Variants in PDCL2 observed in about 807,000 individuals in gnomAD.
PDCL2 encodes the protein phosducin-like protein 2.
A neutral mutation model predicts 30.3 loss-of-function variants in PDCL2; 23 were observed. The observed-to-expected ratio is 0.76, with a 90% CI of 0.55 to 1.08. The LOEUF is 1.08. Ranked by LOEUF, PDCL2 falls within the 50% of genes least tolerant of loss-of-function variation. The pLI, the probability that PDCL2 is intolerant of heterozygous loss-of-function variation, is 0.00. For synonymous variants in PDCL2, 68 were observed against 86.2 expected, an observed-to-expected ratio of 0.79 and a Z score of 1.17; for missense variants, 243 against 282.3, an observed-to-expected ratio of 0.86 and a Z score of 1.00.
chr4:55,578,014 T>C (rs1560503401), intron 3 of PDCL2, among the ~76,000 whole-genome samples: 1 of 152,228 alleles, frequency 6.6e-6, no homozygotes, highest in South Asian at 2.1e-4. Context: ...TTGTAGGCTG[T>C]CTTTGTGCTG....
chr4:55,591,415 A>G (rs993630560), intron 1 of PDCL2, among the ~76,000 whole-genome samples: 3 of 150,386 alleles, frequency 2.0e-5, no homozygotes, highest in African/African-American at 7.3e-5. Context: ...TCTGAGGCGC[A>G]GTCTCACTCT....
Position 55,592,222 on chromosome 4 carries a change from G to A in PDCL2, c.-113C>T. 4 of 1,477,782 alleles carry A rather than the reference G, an allele frequency of 2.7e-6. No individual in the cohort carries two copies. Among genetic ancestry groups the A allele is most frequent in the Admixed American group, 4.0e-5 (2 of 49,716 alleles). 91.5% of individuals were successfully genotyped at this position (1,477,782 alleles called of 1,614,324 possible). A position where few individuals can be genotyped will look rare whatever the true frequency, so the allele number is the denominator to read the frequency against. On this transcript the variant is annotated 5_prime_UTR_variant, in exon 1 of 6. Coordinates refer to ENST00000295645, the MANE Select transcript of PDCL2 (RefSeq NM_152401.3). Reference sequence around the variant, plus strand: ...GAAGAGCGCCCGCTTCAGGCCCGGCGGTTTCGAGTGACCGCCAGAAGAGGG... The same window carrying A: ...GAAGAGCGCCCGCTTCAGGCCCGGCAGTTTCGAGTGACCGCCAGAAGAGGG...
chr4:55,582,509 T>C (rs1732749600), intron 1 of PDCL2, among the ~76,000 whole-genome samples: 1 of 152,256 alleles, frequency 6.6e-6, no homozygotes, highest in African/African-American at 2.4e-5. Flanking sequence ...GAAAATTTGC[T>C]GAAGACTGTA....
At chr4:55,579,556 AT>A (rs1180971518) in intron 3 of PDCL2, among the ~76,000 whole-genome samples, 3 of 152,110 alleles carry the variant, frequency 2.0e-5, no homozygotes, top group African/African-American at 7.2e-5. Flanking sequence ...ACCTCAGGTG[AT>A]CCACCCGCCT....
At chr4:55,572,404 G>T (rs1391440908) in intron 3 of PDCL2, among the ~76,000 whole-genome samples, 1 of 152,208 alleles carries the variant, frequency 6.6e-6, no homozygotes, top group Non-Finnish European at 1.5e-5. Context: ...AGAAACTAGG[G>T]AATCTGGAAC....
chr4:55,591,173 G>C, intron 1 of PDCL2, among the ~76,000 whole-genome samples: 1 of 151,920 alleles, frequency 6.6e-6, no homozygotes, highest in Middle Eastern at 3.2e-3. Context: ...AAATTATACA[G>C]TACATACAAA....
intron 3 of PDCL2, among the ~76,000 whole-genome samples, chr4:55,578,875 T>G (rs1732636944): frequency 6.6e-6 from 1 of 152,192 alleles, no homozygotes; most frequent in Non-Finnish European, 1.5e-5. Context: ...TGTTTAAACT[T>G]TCAACCAATC....
intron 4 of PDCL2, among the ~76,000 whole-genome samples, chr4:55,567,334 A>G (rs1732293190): frequency 6.6e-6 from 1 of 152,238 alleles, no homozygotes; most frequent in East Asian, 1.9e-4. Context: ...GGAGTTTGAG[A>G]CCGGTCTGGG....
At chr4:55,573,086 T>C (rs184624933) in intron 3 of PDCL2, among the ~76,000 whole-genome samples, 19 of 152,272 alleles carry the variant, frequency 1.2e-4, no homozygotes, top group African/African-American at 4.3e-4. Flanking sequence ...CCCCACTTAA[T>C]TCTGAATTCA....
At position 55,569,742 on chromosome 4, in the gene PDCL2, AC is replaced by A; in HGVS notation, c.337del (p.Val113LeufsTer2). The A allele has an allele frequency of 6.4e-7, 1 of 1,558,934 alleles. No homozygotes were observed. The highest frequency in any genetic ancestry group is 8.7e-7 in the Non-Finnish European group (1 of 1,150,706). On this transcript the variant is annotated frameshift_variant, in exon 4 of 6. Transcript: ENST00000295645. LOFTEE classifies it high-confidence loss of function. ...CCTTGATCTGTATAGATGAATTATA[AC>A]CCACACATCTTCTTCTGCATTTGTG... ...EVTNAEEDVW[V>X]IIHLYRSSIP...
chr4:55,589,719 G>C (rs1337069480), intron 1 of PDCL2, among the ~76,000 whole-genome samples: 1 of 152,098 alleles, frequency 6.6e-6, no homozygotes, highest in Non-Finnish European at 1.5e-5. Flanking sequence ...ATTAACAAGA[G>C]AAAAAGAGTT....
intron 1 of PDCL2, 144 bp from the exon 2 acceptor site, chr4:55,582,381 G>T: frequency 2.2e-6 from 2 of 926,596 alleles, no homozygotes; most frequent in Non-Finnish European, 1.5e-6. Flanking sequence ...AAAGCAAAGT[G>T]ACCTACTTTT....
intron 1 of PDCL2, among the ~76,000 whole-genome samples, chr4:55,584,493 G>A (rs531363387): frequency 2.0e-5 from 3 of 152,290 alleles, no homozygotes; most frequent in East Asian, 3.9e-4. Flanking sequence ...CTGGCTGCAA[G>A]TGATTCACCC....
At chr4:55,578,405 G>A (rs1732624096) in intron 3 of PDCL2, among the ~76,000 whole-genome samples, 1 of 152,180 alleles carries the variant, frequency 6.6e-6, no homozygotes, top group Non-Finnish European at 1.5e-5. Context: ...TGAACTGAGG[G>A]CTGAAATCAA....
At chr4:55,586,319 A>G (rs1306058716) in intron 1 of PDCL2, among the ~76,000 whole-genome samples, 1 of 152,228 alleles carries the variant, frequency 6.6e-6, no homozygotes, top group Non-Finnish European at 1.5e-5. Context: ...TACTCATTAA[A>G]TAATAGCCCC....
intron 1 of PDCL2, among the ~76,000 whole-genome samples, chr4:55,584,279 T>C (rs1732804517): frequency 6.6e-6 from 1 of 152,050 alleles, no homozygotes; most frequent in Admixed American, 6.6e-5. Flanking sequence ...TTTTTTGAGA[T>C]GAAGTCTCGT....
intron 4 of PDCL2, 56 bp from the exon 5 acceptor site, chr4:55,562,668 T>C: frequency 8.3e-7 from 1 of 1,198,160 alleles, no homozygotes; most frequent in Non-Finnish European, 1.1e-6. Context: ...CATCTCAGTC[T>C]AATGAAATAA....
chr4:55,565,973 G>GTTTTTTTTTTTTTTTTTTTTTTTTTTTT (rs71194595), intron 4 of PDCL2, among the ~76,000 whole-genome samples: 2 of 74,494 alleles, frequency 2.7e-5, no homozygotes, highest in African/African-American at 5.2e-5. Context: ...CCATTTTTCT[G>GTTTTTTTTTTTTTTTTTTTTTTTTTTTT]TTTTTTTTTT....
At position 55,562,523 on chromosome 4, in the gene PDCL2, C is replaced by T; in HGVS notation, c.452G>A (p.Ser151Asn). ...ATTGTCATGGTAGTGTTGAATACAG[C>T]TATTCACGATGGCTTTAACAAATTT... ...ETKFVKAIVN[S>N]CIQHYHDNCL... Residue 151 changes from serine (S) to asparagine (N), a missense_variant, in exon 5 of 6, where the codon AGC (serine) becomes AAC (asparagine). Ser to Asn is a conservative substitution (Grantham distance 46). Transcript: ENST00000295645. 5 of 1,602,492 alleles carry T rather than the reference C, an allele frequency of 3.1e-6. No individual in the cohort carries two copies. The highest frequency in any genetic ancestry group is 4.3e-6 in the Non-Finnish European group (5 of 1,173,990).
Sources: allele counts gnomAD v4.1 joint callset (sites outside exome capture counted in the v4.1 genomes callset), GRCh38; gene constraint gnomAD v4.1.1; transcripts MANE v1.5; gene names NCBI Gene and HGNC (gene_info 2026-07-23, HGNC 2026-07-21).